Variants in N4BP1 observed in about 807,000 individuals in gnomAD.
N4BP1 encodes NEDD4 binding protein 1, also known as NEDD4-binding protein 1.
Under a neutral mutation model 70.9 loss-of-function variants are expected in N4BP1, and 21 were observed. The ratio of observed to expected loss-of-function variants is 0.30; its 90% CI spans 0.21 to 0.43. The LOEUF is 0.43. Ranked by LOEUF, N4BP1 falls within the 20% of genes least tolerant of loss-of-function variation. N4BP1 has a pLI of 1.00. For synonymous variants in N4BP1, 387 were observed against 394.6 expected (o/e 0.98, Z 0.23); for missense variants, 936 against 1,069.4 (o/e 0.88, Z 1.74).
chr16:48,602,873 CT>C (rs1350591437), intron 1 of N4BP1, among the ~76,000 whole-genome samples: 1 of 152,068 alleles, frequency 6.6e-6, no homozygotes, highest in Non-Finnish European at 1.5e-5. Context: ...GTCCCAGCTA[CT>C]CAGGAGGCTG....
chr16:48,571,236 A>G (rs150915467), intron 1 of N4BP1, among the ~76,000 whole-genome samples: 1,682 of 152,308 alleles, frequency 0.011, 29 homozygotes, highest in African/African-American at 0.038. Flanking sequence ...GATAAGGAAA[A>G]GTTGATCATA....
chr16:48,560,936 C>G lies in N4BP1; in HGVS notation c.1707G>C (p.Gln569His). 1 of 1,613,954 alleles carries G rather than the reference C, an allele frequency of 6.2e-7. No homozygotes were observed. The highest frequency in any genetic ancestry group is 8.5e-7 in the Non-Finnish European group (1 of 1,179,860). Reference sequence around the variant, plus strand: ...TTGCATCAGTAACCGAAGGTAACAGCTGGGGCAGTGGCATTGGTGGAGAAA... The same window carrying G: ...TTGCATCAGTAACCGAAGGTAACAGGTGGGGCAGTGGCATTGGTGGAGAAA... Reference protein sequence around the residue: ...STLSPPMPLPQLLPSVTDARS... With the variant: ...STLSPPMPLPHLLPSVTDARS... The change falls in exon 2 of 7, where the codon CAG becomes CAC. Residue 569 changes from glutamine (Q) to histidine (H), a missense_variant. This residue lies in a region of N4BP1 where 515 missense variants were observed against 491.7 expected (regional missense o/e 1.05). Coordinates refer to ENST00000262384, the MANE Select transcript of N4BP1 (RefSeq NM_153029.4).
chr16:48,597,440 G>C (rs1964432539), intron 1 of N4BP1, among the ~76,000 whole-genome samples: 1 of 152,176 alleles, frequency 6.6e-6, no homozygotes, highest in South Asian at 2.1e-4. Flanking sequence ...AAGTCATGTA[G>C]CAGTAGACAC....
At chr16:48,608,771 G>A (rs2354581) in intron 1 of N4BP1, among the ~76,000 whole-genome samples, 1 of 135,964 alleles carries the variant, frequency 7.4e-6, no homozygotes, top group Non-Finnish European at 1.6e-5. Flanking sequence ...AAAAAAAAAA[G>A]GCGGGGTGGT....
chr16:48,556,487 C>T (rs1350509618), intron 2 of N4BP1, among the ~76,000 whole-genome samples: 1 of 152,190 alleles, frequency 6.6e-6, no homozygotes, highest in Non-Finnish European at 1.5e-5. Flanking sequence ...CACCTTGCTA[C>T]TTATGGGAAG....
In N4BP1 at chr16:48,568,647, T is replaced by C. The variant is rs1034235421; in HGVS notation, c.199-6203A>G. On this transcript the variant is annotated intron_variant, in intron 1 of 6. Coordinates refer to ENST00000262384, the MANE Select transcript of N4BP1 (RefSeq NM_153029.4). ...AGAATTCTGGGTTAACATTTTTTTCTTCCCCAGCAAACTGAGAATAGAAGA... is the reference window on the plus strand; with the variant it reads ...AGAATTCTGGGTTAACATTTTTTTCCTCCCCAGCAAACTGAGAATAGAAGA... Among the ~76,000 whole-genome samples, 52 of 152,248 alleles carry C rather than the reference T, an allele frequency of 3.4e-4. 1 individual carries two copies. Among genetic ancestry groups the C allele is most frequent in the Admixed American group, 3.3e-3 (51 of 15,288 alleles).
chr16:48,600,614 C>A lies in N4BP1; in HGVS notation c.198+9161G>T, dbSNP rs987563643. Reference sequence around the variant, plus strand: ...GCAGTTGGAAGAGAAAACAGTACAGCAGTTACAAGAGAATGTGGACATGGA... The same window carrying A: ...GCAGTTGGAAGAGAAAACAGTACAGAAGTTACAAGAGAATGTGGACATGGA... On this transcript the variant is annotated intron_variant, in intron 1 of 6. Coordinates refer to ENST00000262384, the MANE Select transcript of N4BP1 (RefSeq NM_153029.4). The A allele has an allele frequency of 3.3e-5, 18 of 544,612 alleles. No individual in the cohort carries two copies. The African/African-American group carries it at 3.4e-4, about 10-fold the overall frequency. The allele number at this position is 544,612 out of a possible 1,614,324, so 33.7% of individuals were successfully genotyped here.
chr16:48,575,052 A>G (rs1472120381), intron 1 of N4BP1, among the ~76,000 whole-genome samples: 1 of 152,228 alleles, frequency 6.6e-6, no homozygotes, highest in Non-Finnish European at 1.5e-5. Context: ...CACATGCACA[A>G]ACCCATTTTT....
rs1481353162 is a variant in N4BP1, at chr16:48,546,233, C to T, written c.2247G>A (p.Val749=). 1 of 1,611,418 alleles carries T rather than the reference C, an allele frequency of 6.2e-7. No homozygotes were observed. Among genetic ancestry groups the T allele is most frequent in the Non-Finnish European group, 8.5e-7 (1 of 1,178,978 alleles). ...CATCGGGAACCATAAATATGTCCCCCACGAACGTGTACTGCAGCAGCCTAC... is the reference window on the plus strand; with the variant it reads ...CATCGGGAACCATAAATATGTCCCCTACGAACGTGTACTGCAGCAGCCTAC... ...ITKRLLQYTF[V]GDIFMVPDDP... The change falls in exon 6 of 7, where the codon GTG becomes GTA. Residue 749 remains valine (V), a synonymous_variant. Coordinates refer to ENST00000262384, the MANE Select transcript of N4BP1 (RefSeq NM_153029.4).
At chr16:48,545,146 G>T (rs1449265024) in intron 6 of N4BP1, among the ~76,000 whole-genome samples, 1 of 151,816 alleles carries the variant, frequency 6.6e-6, no homozygotes, top group Non-Finnish European at 1.5e-5. Flanking sequence ...TGCATTTTTA[G>T]TAGAGCCAGG....
Position 48,562,458 on chromosome 16 carries a change from A to G in N4BP1, c.199-14T>C, listed in dbSNP as rs770130058. On this transcript the variant is annotated splice_polypyrimidine_tract_variant and intron_variant, in intron 1 of 6. Coordinates refer to ENST00000262384, the MANE Select transcript of N4BP1 (RefSeq NM_153029.4). ...TTTAATATATTCCTGTAAAGAGAAA[A>G]TAAGAAATTAGGTCAATTTACAAAA... 1 of 1,566,370 alleles carries G rather than the reference A, an allele frequency of 6.4e-7. No individual in the cohort carries two copies. The highest frequency in any genetic ancestry group is 8.6e-7 in the Non-Finnish European group (1 of 1,160,694).
intron 1 of N4BP1, 39 bp downstream of exon 1, chr16:48,609,736 T>C: frequency 7.6e-7 from 1 of 1,309,006 alleles, no homozygotes; most frequent in South Asian, 2.0e-5. Flanking sequence ...CCCGGACCGA[T>C]CGAGGCCGCG....
chr16:48,605,415 G>T (rs1434618484), intron 1 of N4BP1, among the ~76,000 whole-genome samples: 3 of 152,082 alleles, frequency 2.0e-5, no homozygotes, highest in Non-Finnish European at 4.4e-5. Flanking sequence ...TCACAGGGAG[G>T]GTCCCACCTC....
chr16:48,601,296 G>C (rs1164028800), intron 1 of N4BP1, among the ~76,000 whole-genome samples: 1 of 152,194 alleles, frequency 6.6e-6, no homozygotes, highest in Non-Finnish European at 1.5e-5. Flanking sequence ...GTTCTAACTA[G>C]TTATTCCTGG....
At chr16:48,603,215 T>A (rs1964529737) in intron 1 of N4BP1, among the ~76,000 whole-genome samples, 1 of 152,182 alleles carries the variant, frequency 6.6e-6, no homozygotes, top group East Asian at 1.9e-4. Context: ...ACACCCTTTT[T>A]CTCACAAATT....
intron 2 of N4BP1, among the ~76,000 whole-genome samples, 191 bp from the exon 3 acceptor site, chr16:48,553,860 T>C (rs1053152014): frequency 2.0e-5 from 3 of 152,246 alleles, no homozygotes; most frequent in African/African-American, 7.2e-5. Flanking sequence ...GAACTCTTAA[T>C]AGTGTCTTAG....
intron 1 of N4BP1, among the ~76,000 whole-genome samples, chr16:48,603,004 G>A (rs568697159): frequency 1.3e-4 from 20 of 151,670 alleles, no homozygotes; most frequent in African/African-American, 4.4e-4. Context: ...GCACGCACAC[G>A]CATAGAAAAA....
chr16:48,588,267 T>G (rs1261141551), intron 1 of N4BP1, among the ~76,000 whole-genome samples: 1 of 151,520 alleles, frequency 6.6e-6, no homozygotes, highest in African/African-American at 2.4e-5. Flanking sequence ...AATGGCAGCA[T>G]GTTCTTTCAA....
chr16:48,560,685 T>C, intron 2 of N4BP1, 69 bp downstream of exon 2: 1 of 1,523,848 alleles, frequency 6.6e-7, no homozygotes, highest in Non-Finnish European at 8.8e-7. Flanking sequence ...AGTTCCCATA[T>C]ACATGTGATT....
Sources: gnomAD v4.1 joint callset for allele counts (sites outside exome capture counted in the v4.1 genomes callset) on GRCh38, gnomAD v4.1.1 for gene constraint, gnomAD v4.1.1 regional missense constraint, MANE v1.5 for transcripts, NCBI Gene and HGNC (gene_info 2026-07-23, HGNC 2026-07-21) for gene names.